The following DIP2B variants were observed in gnomAD, a reference collection of about 807,000 sequenced individuals.
DIP2B encodes the protein disco-interacting protein 2 homolog B.
Under a neutral mutation model 198.0 loss-of-function variants are expected in DIP2B, and 76 were observed. The observed-to-expected ratio is 0.38, with a 90% CI of 0.32 to 0.46. The LOEUF is 0.46. Among genes scored for constraint, DIP2B ranks in the 20% least tolerant of loss-of-function variants. The pLI is 0.99. For synonymous variants in DIP2B, 701 were observed against 739.1 expected, an observed-to-expected ratio of 0.95 and a Z score of 0.84; for missense variants, 1,559 against 1,978.4, an observed-to-expected ratio of 0.79 and a Z score of 4.02.
chr12:50,744,233 C>T (rs1940307256), intron 37 of DIP2B, among the ~76,000 whole-genome samples: 1 of 152,154 alleles, frequency 6.6e-6, no homozygotes, highest in Admixed American at 6.5e-5. Context: ...AACTCCTGAC[C>T]TCAGGTGATC....
chr12:50,738,629 C>T lies in DIP2B; in HGVS notation c.4177-780C>T, dbSNP rs146174554. ...CTCCTGTGTAGCTGGCATTACCAGGCGCACACCACCACGCCTGGCTAATTT... is the reference window on the plus strand; with the variant it reads ...CTCCTGTGTAGCTGGCATTACCAGGTGCACACCACCACGCCTGGCTAATTT... On this transcript the variant is annotated intron_variant, in intron 35 of 37. Coordinates refer to ENST00000301180, the MANE Select transcript of DIP2B (RefSeq NM_173602.3). Among the ~76,000 whole-genome samples the T allele has an allele frequency of 1.5e-3, 233 of 152,202 alleles. 9 individuals are homozygous for T. The South Asian group carries it at 0.033, about 22-fold the overall frequency.
chr12:50,678,622 A>G (rs1042993455), intron 7 of DIP2B, 57 bp from the exon 8 acceptor site: 3 of 1,543,776 alleles, frequency 1.9e-6, no homozygotes, highest in Non-Finnish European at 2.6e-6. Flanking sequence ...TTAGAGACCT[A>G]AGTTGTGTTC....
At chr12:50,531,048 G>A (rs564891407) in intron 1 of DIP2B, among the ~76,000 whole-genome samples, 1 of 152,218 alleles carries the variant, frequency 6.6e-6, no homozygotes, top group South Asian at 2.1e-4. Context: ...TCCAAGGAGA[G>A]CATATTATAT....
intron 3 of DIP2B, among the ~76,000 whole-genome samples, chr12:50,648,098 T>G (rs1938382226): frequency 6.6e-6 from 1 of 151,804 alleles, no homozygotes; most frequent in Non-Finnish European, 1.5e-5. Context: ...AGATCGATGC[T>G]CCAACACTCC....
chr12:50,519,341 T>A (rs1234590039), intron 1 of DIP2B, among the ~76,000 whole-genome samples: 2 of 152,262 alleles, frequency 1.3e-5, no homozygotes, highest in Admixed American at 6.5e-5. Flanking sequence ...GCTCAAGCGA[T>A]CCTCCCTCCT....
intron 1 of DIP2B, among the ~76,000 whole-genome samples, chr12:50,527,476 G>A (rs1958177055): frequency 6.6e-6 from 1 of 152,178 alleles, no homozygotes; most frequent in Non-Finnish European, 1.5e-5. Context: ...TTATGGCTGA[G>A]AGATAAAACT....
At chr12:50,743,331 T>C (rs982152561) in intron 37 of DIP2B, among the ~76,000 whole-genome samples, 1 of 152,162 alleles carries the variant, frequency 6.6e-6, no homozygotes, top group African/African-American at 2.4e-5. Flanking sequence ...TCCGCCCACC[T>C]CGGCCTCCCA....
intron 10 of DIP2B, 103 bp from the exon 11 acceptor site, chr12:50,685,730 A>C: frequency 7.6e-7 from 1 of 1,323,486 alleles, no homozygotes; most frequent in Non-Finnish European, 1.0e-6. Context: ...GGGCTCCATG[A>C]ATGTTATCAA....
Position 50,747,760 on chromosome 12 carries a change from G to A in DIP2B, c.*2921G>A, listed in dbSNP as rs1940359758. ...AAAAACTAAACAAGTCTCTGTCTCAGTTAAGAGAAATCTATTGGTCTGAAG... is the reference window on the plus strand; with the variant it reads ...AAAAACTAAACAAGTCTCTGTCTCAATTAAGAGAAATCTATTGGTCTGAAG... On this transcript the variant is annotated 3_prime_UTR_variant, in exon 38 of 38. Transcript: ENST00000301180. The A allele has an allele frequency of 6.6e-6, 1 of 152,186 alleles. No homozygotes were observed. Among genetic ancestry groups the A allele is most frequent in the East Asian group, 1.9e-4 (1 of 5,198 alleles). 9.4% of individuals were successfully genotyped at this position (152,186 alleles called of 1,614,324 possible).
At chr12:50,681,145 C>T (rs1186722886) in intron 9 of DIP2B, among the ~76,000 whole-genome samples, 1 of 152,120 alleles carries the variant, frequency 6.6e-6, no homozygotes, top group Non-Finnish European at 1.5e-5. Flanking sequence ...ATGCCTCAAA[C>T]ATGGGCTGGG....
intron 11 of DIP2B, among the ~76,000 whole-genome samples, chr12:50,686,270 A>G (rs1237322569): frequency 6.6e-6 from 1 of 152,168 alleles, no homozygotes; most frequent in Admixed American, 6.5e-5. Flanking sequence ...TGTACATTAA[A>G]GCTAAATGCT....
intron 14 of DIP2B, among the ~76,000 whole-genome samples, chr12:50,694,103 T>A (rs762241204): frequency 1.1e-4 from 17 of 152,192 alleles, no homozygotes; most frequent in Admixed American, 1.3e-4. Context: ...TGCTTTGTGA[T>A]GCCCAGCTAG....
At chr12:50,598,120 C>T (rs543445222) in intron 1 of DIP2B, among the ~76,000 whole-genome samples, 2 of 152,226 alleles carry the variant, frequency 1.3e-5, no homozygotes, top group African/African-American at 4.8e-5. Context: ...TCATTTGCAC[C>T]TACCCCACTT....
intron 4 of DIP2B, among the ~76,000 whole-genome samples, chr12:50,664,752 C>G (rs1420035028): frequency 6.6e-6 from 1 of 150,776 alleles, no homozygotes; most frequent in Non-Finnish European, 1.5e-5. Flanking sequence ...AGAAGTCTGT[C>G]TCACACAGGA....
chr12:50,571,459 C>G (rs111230510), intron 1 of DIP2B, among the ~76,000 whole-genome samples: 6,613 of 151,984 alleles, frequency 0.044, 190 homozygotes, highest in Non-Finnish European at 0.061. Context: ...AGGCGTGAGC[C>G]ACCACACCCC....
At chr12:50,588,652 T>C (rs1958791279) in intron 1 of DIP2B, among the ~76,000 whole-genome samples, 1 of 152,138 alleles carries the variant, frequency 6.6e-6, no homozygotes, top group Non-Finnish European at 1.5e-5. Context: ...CAGATGCCCA[T>C]AATAAGACCA....
chr12:50,594,924 T>C (rs983205976), intron 1 of DIP2B, among the ~76,000 whole-genome samples: 2 of 152,240 alleles, frequency 1.3e-5, no homozygotes, highest in African/African-American at 4.8e-5. Context: ...CAGGTTTGAA[T>C]GACAACTCTT....
intron 1 of DIP2B, among the ~76,000 whole-genome samples, chr12:50,624,700 A>G (rs1937898060): frequency 6.6e-6 from 1 of 152,014 alleles, no homozygotes; most frequent in Admixed American, 6.6e-5. Context: ...CATCCCTTCT[A>G]CCACTGTCTT....
At chr12:50,579,331 G>T (rs1958693266) in intron 1 of DIP2B, among the ~76,000 whole-genome samples, 1 of 151,868 alleles carries the variant, frequency 6.6e-6, no homozygotes, top group South Asian at 2.1e-4. Flanking sequence ...CCTGAATCTA[G>T]GTCAGGCACA....
Sources: gnomAD v4.1 joint callset for allele counts (sites outside exome capture counted in the v4.1 genomes callset) on GRCh38, gnomAD v4.1.1 for gene constraint, MANE v1.5 for transcripts, NCBI Gene and HGNC (gene_info 2026-07-23, HGNC 2026-07-21) for gene names.